Variants in SPTLC3 observed in about 807,000 individuals in gnomAD.
SPTLC3 encodes serine palmitoyltransferase long chain base subunit 3, also known as serine palmitoyltransferase 3.
Under a neutral mutation model 59.3 loss-of-function variants are expected in SPTLC3, and 36 were observed. That is an observed-to-expected ratio of 0.61 (90% CI 0.47 to 0.80). The LOEUF is 0.80. Among genes scored for constraint, SPTLC3 ranks in the 30% least tolerant of loss-of-function variants. SPTLC3 has a pLI of 0.00. For missense variants in SPTLC3, 625 were observed against 685.1 expected (o/e 0.91, Z 0.98); for synonymous variants, 257 against 240.8 (o/e 1.07, Z -0.62).
At chr20:13,065,029 T>C (rs1327193055) in intron 2 of SPTLC3, among the ~76,000 whole-genome samples, 1 of 152,150 alleles carries the variant, frequency 6.6e-6, no homozygotes, top group African/African-American at 2.4e-5. Context: ...TAACCTCAAA[T>C]GCTACCACCT....
intron 2 of SPTLC3, among the ~76,000 whole-genome samples, chr20:13,059,178 A>G (rs1987849110): frequency 6.6e-6 from 1 of 152,214 alleles, no homozygotes; most frequent in Non-Finnish European, 1.5e-5. Context: ...TTAAATTCAA[A>G]AAACTACATG....
chr20:13,077,138 G>A (rs540906868), intron 4 of SPTLC3, among the ~76,000 whole-genome samples: 3 of 152,066 alleles, frequency 2.0e-5, no homozygotes, highest in Admixed American at 2.0e-4. Flanking sequence ...AAAATGATAT[G>A]GTAATAGGAG....
intron 1 of SPTLC3, among the ~76,000 whole-genome samples, chr20:13,011,307 A>T (rs1384536713): frequency 6.6e-6 from 1 of 152,118 alleles, no homozygotes; most frequent in Non-Finnish European, 1.5e-5. Context: ...TTGCCTGTGG[A>T]TAGAAGCAGT....
chr20:13,116,202 C>T (rs919705742), intron 7 of SPTLC3, among the ~76,000 whole-genome samples: 5 of 152,114 alleles, frequency 3.3e-5, no homozygotes, highest in Non-Finnish European at 5.9e-5. Context: ...CTGAATCGAC[C>T]TAACACTTAA....
chr20:13,113,020 T>C (rs1990326791), intron 7 of SPTLC3, among the ~76,000 whole-genome samples: 1 of 151,986 alleles, frequency 6.6e-6, no homozygotes, highest in South Asian at 2.1e-4. Context: ...CCACCTCTAC[T>C]AAAAAGACAA....
At chr20:13,151,866 G>T (rs2038656304) in intron 9 of SPTLC3, among the ~76,000 whole-genome samples, 1 of 152,058 alleles carries the variant, frequency 6.6e-6, no homozygotes, top group Non-Finnish European at 1.5e-5. Flanking sequence ...TCTACCTAAA[G>T]TGAAGGGGGC....
At chr20:13,159,970 C>CTTT in intron 10 of SPTLC3, 33 bp from the exon 11 acceptor site, 5 of 1,163,850 alleles carry the variant, frequency 4.3e-6, no homozygotes, top group Non-Finnish European at 5.9e-6. Flanking sequence ...CAACTAACCA[C>CTTT]TTTTTTTTTT....
At chr20:13,164,528 C>G in intron 11 of SPTLC3, 3 of 571,462 alleles carry the variant, frequency 5.2e-6, no homozygotes, top group Non-Finnish European at 3.2e-6. Context: ...AATAAACATT[C>G]ATAGTATGGA....
chr20:13,120,787 T>C (rs1990862243), intron 8 of SPTLC3, among the ~76,000 whole-genome samples: 1 of 152,236 alleles, frequency 6.6e-6, no homozygotes, highest in African/African-American at 2.4e-5. Context: ...CCTCTGCTAA[T>C]TGGAAGTTGC....
chr20:13,128,336 CAAAT>C lies in SPTLC3; in HGVS notation c.1279+1623_1279+1626del, dbSNP rs558231922. 1.6e-3 allele frequency among the ~76,000 whole-genome samples: 249 copies of C among 152,286 alleles called. 1 individual carries two copies. The highest frequency in any genetic ancestry group is 3.0e-3 in the Non-Finnish European group (207 of 68,026). ...GATAAGGGAGGTTTTGCCACCATAA[CAAAT>C]AAACCCTGTAGATCTCAGTGGCTTA... On this transcript the variant is annotated intron_variant, in intron 9 of 11. Coordinates refer to ENST00000399002, the MANE Select transcript of SPTLC3 (RefSeq NM_018327.4).
At chr20:13,158,279 A>G (rs1247213548) in intron 10 of SPTLC3, among the ~76,000 whole-genome samples, 1 of 152,212 alleles carries the variant, frequency 6.6e-6, no homozygotes, top group Non-Finnish European at 1.5e-5. Context: ...GGCTCATTAT[A>G]TAAAATTTCC....
At chr20:13,043,777 T>C (rs902261000) in intron 1 of SPTLC3, among the ~76,000 whole-genome samples, 1 of 152,250 alleles carries the variant, frequency 6.6e-6, no homozygotes, top group African/African-American at 2.4e-5. Flanking sequence ...CCACCTTCTC[T>C]CTGTCCTCTT....
At chr20:13,047,440 G>T (rs1036339743) in intron 1 of SPTLC3, among the ~76,000 whole-genome samples, 2 of 152,076 alleles carry the variant, frequency 1.3e-5, no homozygotes, top group African/African-American at 4.8e-5. Flanking sequence ...TATTAGTAGA[G>T]ATCTGACAAT....
intron 1 of SPTLC3, among the ~76,000 whole-genome samples, chr20:13,027,133 G>C (rs1192516938): frequency 6.6e-6 from 1 of 152,152 alleles, no homozygotes; most frequent in African/African-American, 2.4e-5. Flanking sequence ...TCCTCTAACA[G>C]TGCTTCCTGG....
chr20:13,082,527 T>G (rs954294194), intron 4 of SPTLC3, among the ~76,000 whole-genome samples: 1 of 151,812 alleles, frequency 6.6e-6, no homozygotes, highest in Non-Finnish European at 1.5e-5. Context: ...CCATAAATCT[T>G]TGTTGGATCA....
In SPTLC3 at chr20:13,009,193, C is replaced by A; in HGVS notation, c.-75C>A. The stretch of plus-strand genomic sequence containing the variant: ...AGCCCCAAAGAGCTTTATCCCATCC[C>A]CTCGCAGACTGAAAACTAAAGCCTG... On this transcript the variant is annotated 5_prime_UTR_variant, in exon 1 of 12. Transcript: ENST00000399002. 1 of 1,186,746 alleles carries A rather than the reference C, an allele frequency of 8.4e-7. No individual in the cohort carries two copies. The highest frequency in any genetic ancestry group is 1.2e-6 in the Non-Finnish European group (1 of 805,972). The allele number at this position is 1,186,746 out of a possible 1,614,324, so 73.5% of individuals were successfully genotyped here.
At chr20:13,021,801 C>T (rs948413827) in intron 1 of SPTLC3, among the ~76,000 whole-genome samples, 1 of 152,124 alleles carries the variant, frequency 6.6e-6, no homozygotes, top group African/African-American at 2.4e-5. Context: ...TAAACTTTGC[C>T]TTGCTGAGAA....
chr20:13,070,954 T>G (rs924325541), intron 2 of SPTLC3, among the ~76,000 whole-genome samples: 1 of 152,140 alleles, frequency 6.6e-6, no homozygotes, highest in African/African-American at 2.4e-5. Flanking sequence ...AAAAATCTCA[T>G]TCTGCTTTGG....
At chr20:13,082,821 T>C (rs1228942867) in intron 4 of SPTLC3, among the ~76,000 whole-genome samples, 1 of 152,188 alleles carries the variant, frequency 6.6e-6, no homozygotes, top group Non-Finnish European at 1.5e-5. Flanking sequence ...TAGAGCCAAA[T>C]ATATTAAGAA....
Sources: allele counts gnomAD v4.1 joint callset (sites outside exome capture counted in the v4.1 genomes callset), GRCh38; gene constraint gnomAD v4.1.1; transcripts MANE v1.5; gene names NCBI Gene and HGNC (gene_info 2026-07-23, HGNC 2026-07-21).